NXPE2: variants seen among roughly 807,000 people sequenced by gnomAD.
NXPE2 encodes neurexophilin and PC-esterase domain family member 2.
NXPE2 carries 34 observed loss-of-function variants against 34.4 expected under a neutral mutation model. The ratio of observed to expected loss-of-function variants is 0.99; its 90% confidence interval spans 0.75 to 1.31. The LOEUF is 1.31. Among genes scored for constraint, NXPE2 ranks in the 40% most tolerant of loss-of-function variants. NXPE2 has a pLI of 0.00. For synonymous variants in NXPE2, 235 were observed against 231.3 expected (o/e 1.02, Z -0.15); for missense variants, 649 against 672.5 (o/e 0.97, Z 0.39).
the NXPE2 span, among the ~76,000 whole-genome samples, chr11:114,567,979 G>A: frequency 2.6e-5 from 4 of 151,768 alleles, no homozygotes; most frequent in African/African-American, 9.7e-5. Flanking sequence ...ATATATACTG[G>A]CCAATCATCT....
chr11:114,760,571 A>G, the NXPE2 span, among the ~76,000 whole-genome samples: 2 of 152,308 alleles, frequency 1.3e-5, no homozygotes, highest in Admixed American at 1.3e-4. Flanking sequence ...CTCCTTAAGT[A>G]TTTATCCAAG....
chr11:114,644,824 T>TA, the NXPE2 span, among the ~76,000 whole-genome samples: 1 of 150,890 alleles, frequency 6.6e-6, no homozygotes, highest in African/African-American at 2.4e-5. Flanking sequence ...AGATATCAAT[T>TA]TAAAAAAAAA....
At chr11:114,791,376 C>T in the NXPE2 span, among the ~76,000 whole-genome samples, 9 of 152,102 alleles carry the variant, frequency 5.9e-5, no homozygotes, top group African/African-American at 9.7e-5. Context: ...ATGAGGAAGC[C>T]GGGCCACCCA....
the NXPE2 span, among the ~76,000 whole-genome samples, chr11:114,747,310 CA>C: frequency 0.4 from 60,988 of 151,818 alleles, 12,452 homozygotes; most frequent in East Asian, 0.49. Context: ...ATAGCTATAG[CA>C]ACCCGGAATA....
the NXPE2 span, among the ~76,000 whole-genome samples, chr11:114,472,765 G>A: frequency 2.0e-5 from 3 of 152,272 alleles, no homozygotes; most frequent in East Asian, 1.9e-4. Context: ...AATGTTCTAC[G>A]TAATGGCAGG....
chr11:114,775,936 G>A, the NXPE2 span, among the ~76,000 whole-genome samples: 187 of 151,774 alleles, frequency 1.2e-3, 2 homozygotes, highest in African/African-American at 4.3e-3. Context: ...TGTTCCTGTG[G>A]GAACTAATCC....
chr11:114,469,108 G>GTTTT, the NXPE2 span, among the ~76,000 whole-genome samples: 2 of 109,890 alleles, frequency 1.8e-5, no homozygotes, highest in Non-Finnish European at 3.8e-5. Context: ...TACAGTGCTA[G>GTTTT]CTTTTTTTTT....
At chr11:114,536,467 C>T in the NXPE2 span, among the ~76,000 whole-genome samples, 1 of 152,060 alleles carries the variant, frequency 6.6e-6, no homozygotes, top group Non-Finnish European at 1.5e-5. Flanking sequence ...ACAAAAAACC[C>T]TTCAAAAAAA....
At chr11:114,582,831 C>G in the NXPE2 span, 3 of 1,614,116 alleles carry the variant, frequency 1.9e-6, no homozygotes, top group Admixed American at 3.3e-5. Context: ...ATGTGTGGCG[C>G]TGGTGGTGGT....
intron 1 of NXPE2, among the ~76,000 whole-genome samples, chr11:114,679,242 G>A (rs935810023): frequency 4.6e-5 from 2 of 43,908 alleles, no homozygotes; most frequent in African/African-American, 1.0e-4. Context: ...GACAACATGT[G>A]TGTGCGTGTG....
the NXPE2 span, among the ~76,000 whole-genome samples, chr11:114,562,145 G>A: frequency 0.21 from 32,133 of 152,128 alleles, 4,529 homozygotes; most frequent in African/African-American, 0.39. Flanking sequence ...TCTTTCAAGT[G>A]TTAGTCTCTT....
chr11:114,676,432 T>G (rs992423532), upstream of NXPE2, among the ~76,000 whole-genome samples: 2 of 151,804 alleles, frequency 1.3e-5, no homozygotes, highest in Non-Finnish European at 2.9e-5. Flanking sequence ...AATAATCCAA[T>G]TAGAAAATTG....
At chr11:114,572,522 C>T in the NXPE2 span, among the ~76,000 whole-genome samples, 19 of 151,956 alleles carry the variant, frequency 1.3e-4, no homozygotes, top group African/African-American at 1.9e-4. Context: ...AAATAAAAAA[C>T]AATCACAATT....
the NXPE2 span, among the ~76,000 whole-genome samples, chr11:114,632,278 C>T: frequency 7.4e-6 from 1 of 135,656 alleles, no homozygotes; most frequent in Non-Finnish European, 1.5e-5. Flanking sequence ...TGTATATATA[C>T]TATATATGTA....
At chr11:114,786,694 C>T in the NXPE2 span, among the ~76,000 whole-genome samples, 1 of 152,066 alleles carries the variant, frequency 6.6e-6, no homozygotes, top group African/African-American at 2.4e-5. Context: ...AAGAAACACC[C>T]ATATCATTGT....
At chr11:114,490,733 TA>T in the NXPE2 span, among the ~76,000 whole-genome samples, 1 of 152,126 alleles carries the variant, frequency 6.6e-6, no homozygotes, top group Non-Finnish European at 1.5e-5. Context: ...ATGTTAGACC[TA>T]AAACCATAAA....
chr11:114,786,254 T>C, the NXPE2 span, among the ~76,000 whole-genome samples: 1 of 152,194 alleles, frequency 6.6e-6, no homozygotes, highest in Non-Finnish European at 1.5e-5. Flanking sequence ...TCCTCAGTAA[T>C]GCGTTTTCAA....
At position 114,698,695 on chromosome 11, in the gene NXPE2, G is replaced by A. The variant is rs959177414; in HGVS notation, c.783G>A (p.Met261Ile). Residue 261 changes from methionine (M) to isoleucine (I), a missense_variant, in exon 3 of 6, where the codon ATG becomes ATA. Transcript: ENST00000389586. ...EAFYCVRPQH[M>I]PCEALTHMTT... The stretch of plus-strand genomic sequence containing the variant: ...TCTACTGTGTGAGGCCTCAACATAT[G>A]CCCTGTGAGGCCTTGACCCACATGA... 2 of 1,613,724 alleles carry A rather than the reference G, an allele frequency of 1.2e-6. No individual in the cohort carries two copies. Among genetic ancestry groups the A allele is most frequent in the Non-Finnish European group, 1.7e-6 (2 of 1,179,706 alleles).
chr11:114,610,916 A>G, the NXPE2 span, among the ~76,000 whole-genome samples: 1 of 151,774 alleles, frequency 6.6e-6, no homozygotes, highest in East Asian at 1.9e-4. Context: ...CCTGGTGGAT[A>G]ATAAGTATTG....
Sources: gnomAD v4.1 joint callset for allele counts (sites outside exome capture counted in the v4.1 genomes callset) on GRCh38, gnomAD v4.1.1 for gene constraint, MANE v1.5 for transcripts, NCBI Gene and HGNC (gene_info 2026-07-23, HGNC 2026-07-21) for gene names.